CRLF2: variants seen among roughly 807,000 people sequenced by gnomAD.
The protein encoded by CRLF2 is cytokine receptor-like factor 2.
In CRLF2, 41 loss-of-function variants were observed where a neutral mutation model predicts 38.7. That is an observed-to-expected ratio of 1.06 (90% CI 0.83 to 1.37). CRLF2 has a LOEUF of 1.37. Ranked by LOEUF, CRLF2 falls within the 40% of genes most tolerant of loss-of-function variation. The pLI, the probability that CRLF2 is intolerant of heterozygous loss-of-function variation, is 0.00. For missense variants in CRLF2, 377 were observed against 322.2 expected (o/e 1.17, Z -1.30); for synonymous variants, 140 against 128.8 (o/e 1.09, Z -0.59).
chrX:1,191,279 C>G (rs1205943048), intron 7 of CRLF2, 119 bp from the exon 8 acceptor site: 3 of 382,516 alleles, frequency 7.8e-6, no homozygotes, highest in Non-Finnish European at 1.4e-5. Context: ...TTCTTTCTCT[C>G]TCTTTCTTTT....
intron 3 of CRLF2, among the ~76,000 whole-genome samples, chrX:1,203,044 G>A (rs1405653112): frequency 2.1e-5 from 3 of 139,596 alleles, no homozygotes; most frequent in Non-Finnish European, 4.5e-5. Context: ...GTTGCGGTGA[G>A]CCGAGATTGA....
chrX:1,204,673 A>G (rs1292281201), intron 3 of CRLF2, among the ~76,000 whole-genome samples: 6 of 149,146 alleles, frequency 4.0e-5, no homozygotes, highest in Non-Finnish European at 8.9e-5. Context: ...AGCGTGTGCC[A>G]CCACGCCTGG....
Position 1,198,687 on chromosome X carries a change from C to G in CRLF2, c.521G>C (p.Gly174Ala). 1 of 1,611,638 alleles carries G rather than the reference C, an allele frequency of 6.2e-7. No individual in the cohort carries two copies. The highest frequency in any genetic ancestry group is 1.3e-5 in the African/African-American group (1 of 74,748). ...AGAGTAACACTTCTCGGCATCCAAGCCTTCTATGGTGACGTTGCAGGTATT... is the reference window on the plus strand; with the variant it reads ...AGAGTAACACTTCTCGGCATCCAAGGCTTCTATGGTGACGTTGCAGGTATT... ...QENTCNVTIE[G>A]LDAEKCYSFW... is the part of the protein sequence containing the mutation. Residue 174 changes from glycine (G) to alanine (A), a missense_variant, in exon 5 of 8, where the codon GGC becomes GCC. Transcript: ENST00000400841.
At chrX:1,203,941 G>A (rs1448389932) in intron 3 of CRLF2, among the ~76,000 whole-genome samples, 1 of 151,896 alleles carries the variant, frequency 6.6e-6, no homozygotes, top group Non-Finnish European at 1.5e-5. Flanking sequence ...AAGAAACCCA[G>A]CCTTACAGAA....
intron 4 of CRLF2, among the ~76,000 whole-genome samples, chrX:1,201,287 T>C (rs1397814578): frequency 1.3e-5 from 2 of 151,272 alleles, no homozygotes; most frequent in South Asian, 2.1e-4. Flanking sequence ...CCTGTGTGTG[T>C]CTGTGTGTGT....
intron 2 of CRLF2, among the ~76,000 whole-genome samples, chrX:1,207,652 T>TTTTTG (rs1263797933): frequency 1.0e-4 from 15 of 148,824 alleles, no homozygotes; most frequent in East Asian, 6.0e-4. Context: ...TTTTGTGAGG[T>TTTTTG]TTTTGTTTTG....
chrX:1,210,318 CT>C (rs200621804), intron 1 of CRLF2, among the ~76,000 whole-genome samples: 9 of 151,724 alleles, frequency 5.9e-5, no homozygotes, highest in African/African-American at 1.9e-4. Flanking sequence ...AGCCAAGTCT[CT>C]TTTTTTTATT....
chrX:1,192,913 A>T (rs2086419115), intron 7 of CRLF2, among the ~76,000 whole-genome samples: 1 of 150,342 alleles, frequency 6.7e-6, no homozygotes, highest in South Asian at 2.1e-4. Context: ...TCCACAGTTC[A>T]AGCGATTCTC....
At chrX:1,192,204 C>CAAAAAA (rs1214481830) in intron 7 of CRLF2, among the ~76,000 whole-genome samples, 31 of 78,784 alleles carry the variant, frequency 3.9e-4, no homozygotes, top group African/African-American at 1.5e-3. Context: ...GACTCCGTCT[C>CAAAAAA]AAAAAAAAAA....
intron 7 of CRLF2, among the ~76,000 whole-genome samples, chrX:1,192,140 G>T (rs1455507829): frequency 6.9e-6 from 1 of 144,630 alleles, no homozygotes; most frequent in Non-Finnish European, 1.5e-5. Flanking sequence ...GGGAGGTGGA[G>T]CTTGCAGTGA....
rs2086625399 is a variant in CRLF2 at position 1,202,472 on chromosome X, C to T, written c.413G>A (p.Cys138Tyr). The change falls in exon 4 of 8, where the codon TGT (cysteine) becomes TAT (tyrosine). Residue 138 changes from cysteine to tyrosine, a missense_variant. Cys to Tyr is a radical substitution (Grantham distance 194). Coordinates refer to ENST00000400841, the MANE Select transcript of CRLF2 (RefSeq NM_022148.4). ...SWHQDAVTVT[C>Y]SDLSYGDLLY... Reference sequence around the variant, plus strand: ...GAGATCCCCGTAGGACAGGTCAGAACACGTCACCGTCACTGCATCCTGATG... The same window carrying T: ...GAGATCCCCGTAGGACAGGTCAGAATACGTCACCGTCACTGCATCCTGATG... 1.2e-6 allele frequency: 2 copies of T among 1,613,606 alleles called. No homozygotes were observed.
intron 7 of CRLF2, among the ~76,000 whole-genome samples, chrX:1,192,100 G>A (rs1288434867): frequency 6.7e-6 from 1 of 148,350 alleles, no homozygotes; most frequent in Non-Finnish European, 1.5e-5. Flanking sequence ...AGCTACTTGG[G>A]AGGCTGAGGC....
chrX:1,203,763 G>A (rs1172877995), intron 3 of CRLF2, among the ~76,000 whole-genome samples: 1 of 152,122 alleles, frequency 6.6e-6, no homozygotes, highest in Non-Finnish European at 1.5e-5. Flanking sequence ...TCAAAACTGG[G>A]AGAGAATAAA....
At chrX:1,191,197 C>G in intron 7 of CRLF2, 37 bp from the exon 8 acceptor site, 1 of 398,696 alleles carries the variant, frequency 2.5e-6, no homozygotes, top group Non-Finnish European at 4.4e-6. Flanking sequence ...ACACAGTGGA[C>G]ACACCACACA....
At chrX:1,212,431 AAAAAAAAG>A (rs1157049696) in intron 1 of CRLF2, 117 bp downstream of exon 1, 32 of 645,050 alleles carry the variant, frequency 5.0e-5, no homozygotes, top group South Asian at 1.2e-4. Context: ...AAAAAAAAAA[AAAAAAAAG>A]AAAAGAAGAA....
In CRLF2 at chrX:1,212,540, G is replaced by T; in HGVS notation, c.79+16C>A. 1.9e-6 allele frequency: 3 copies of T among 1,593,804 alleles called. No individual in the cohort carries two copies. The highest frequency in any genetic ancestry group is 1.7e-5 in the Admixed American group (1 of 59,708). The stretch of plus-strand genomic sequence containing the variant: ...CAAACCAAAATACAACAAGAAGAGG[G>T]TGTTTAAATAATTACCTGCTCCTCC... On this transcript the variant is annotated intron_variant, in intron 1 of 7. Transcript: ENST00000400841.
chrX:1,191,971 C>CG (rs1409262901), intron 7 of CRLF2, among the ~76,000 whole-genome samples: 1 of 147,174 alleles, frequency 6.8e-6, no homozygotes, highest in South Asian at 2.3e-4. Flanking sequence ...TTTGGGAGGC[C>CG]AAGGTGGGTG....
intron 3 of CRLF2, among the ~76,000 whole-genome samples, chrX:1,205,974 T>A (rs1360690080): frequency 6.6e-6 from 1 of 151,800 alleles, no homozygotes. Context: ...CTGAAGGAAG[T>A]AGCGAAAAGT....
At position 1,191,944 on chromosome X, in the gene CRLF2, A is replaced by G. The variant is rs1258922401; in HGVS notation, c.853-784T>C. On this transcript the variant is annotated intron_variant, in intron 7 of 7. Coordinates refer to ENST00000400841, the MANE Select transcript of CRLF2 (RefSeq NM_022148.4). Reference sequence around the variant, plus strand: ...GAGCCAGCCGGCCGCAGTGGCTTACACCTGTAATCCCAGCACTTTGGGAGG... The same window carrying G: ...GAGCCAGCCGGCCGCAGTGGCTTACGCCTGTAATCCCAGCACTTTGGGAGG... Among the ~76,000 whole-genome samples the G allele has an allele frequency of 6.6e-4, 100 of 151,602 alleles. 2 individuals carry two copies. In the East Asian group the frequency reaches 6.9e-3, roughly 10 times the overall value.
Sources: allele counts gnomAD v4.1 joint callset (sites outside exome capture counted in the v4.1 genomes callset), GRCh38; gene constraint gnomAD v4.1.1; transcripts MANE v1.5; gene names NCBI Gene and HGNC (gene_info 2026-07-23, HGNC 2026-07-21).